PELI1: variants seen among roughly 807,000 people sequenced by gnomAD.
PELI1 encodes the protein pellino E3 ubiquitin protein ligase 1.
A neutral mutation model predicts 41.3 loss-of-function variants in PELI1; 15 were observed. The ratio of observed to expected loss-of-function variants is 0.36; its 90% confidence interval spans 0.24 to 0.56. The LOEUF (loss-of-function observed/expected upper bound fraction) is 0.56. Among genes scored for constraint, PELI1 ranks in the 20% least tolerant of loss-of-function variants. The pLI is 0.82. For synonymous variants in PELI1, 178 were observed against 180.1 expected, an observed-to-expected ratio of 0.99 and a Z score of 0.09; for missense variants, 403 against 525.5, an observed-to-expected ratio of 0.77 and a Z score of 2.28.
intron 1 of PELI1, among the ~76,000 whole-genome samples, chr2:64,123,339 A>ATT (rs1459243506): frequency 2.3e-4 from 35 of 152,342 alleles, no homozygotes; most frequent in African/African-American, 8.4e-4. Context: ...CAGTCTCTTT[A>ATT]AACGAACAAA....
chr2:64,098,800 G>C (rs1482749224), intron 4 of PELI1, among the ~76,000 whole-genome samples: 7 of 152,158 alleles, frequency 4.6e-5, no homozygotes. Context: ...AGACTGGCTA[G>C]TTTATCAAGG....
At chr2:64,102,935 C>T (rs774429581) in intron 3 of PELI1, among the ~76,000 whole-genome samples, 8 of 151,408 alleles carry the variant, frequency 5.3e-5, no homozygotes, top group Non-Finnish European at 7.4e-5. Flanking sequence ...CTCTGCCTCC[C>T]GGGCTCAAGT....
At chr2:64,141,312 C>CT (rs1553360221) in intron 1 of PELI1, among the ~76,000 whole-genome samples, 1 of 145,816 alleles carries the variant, frequency 6.9e-6, no homozygotes, top group African/African-American at 2.6e-5. Flanking sequence ...CCGCCCCCAC[C>CT]CCAAAGGAGC....
rs1680161083 is a variant in PELI1, at chr2:64,094,544, G to A, written c.*158C>T. On this transcript the variant is annotated 3_prime_UTR_variant, in exon 7 of 7. Transcript: ENST00000358912. ...CTTTGCTTGAGTTTCCCAGATTTTTGCTCAGAAATTGCTACTATTTATTAT... is the reference window on the plus strand; with the variant it reads ...CTTTGCTTGAGTTTCCCAGATTTTTACTCAGAAATTGCTACTATTTATTAT... 2.0e-6 allele frequency: 1 copy of A among 504,290 alleles called. No homozygotes were observed. The highest frequency in any genetic ancestry group is 3.1e-5 in the East Asian group (1 of 32,776). The allele number at this position is 504,290 out of a possible 1,614,324, so 31.2% of individuals were successfully genotyped here. A position where few individuals can be genotyped will look rare whatever the true frequency, so the allele number is the denominator to read the frequency against.
intron 2 of PELI1, among the ~76,000 whole-genome samples, chr2:64,107,465 A>G (rs2103688600): frequency 6.6e-6 from 1 of 152,304 alleles, no homozygotes; most frequent in South Asian, 2.1e-4. Flanking sequence ...TGCTGTCACC[A>G]TACACATATA....
intron 1 of PELI1, among the ~76,000 whole-genome samples, chr2:64,129,114 C>T (rs2103732316): frequency 6.6e-6 from 1 of 152,212 alleles, no homozygotes; most frequent in South Asian, 2.1e-4. Context: ...GCCAAAGTGC[C>T]ACCCTTTTTT....
intron 3 of PELI1, among the ~76,000 whole-genome samples, chr2:64,100,970 T>G (rs1429853686): frequency 1.3e-5 from 2 of 152,146 alleles, no homozygotes; most frequent in African/African-American, 4.8e-5. Flanking sequence ...GCTAAGGCAA[T>G]CCGCCTGCCT....
chr2:64,133,178 AC>A (rs1262424907), intron 1 of PELI1, among the ~76,000 whole-genome samples: 1 of 152,142 alleles, frequency 6.6e-6, no homozygotes, highest in African/African-American at 2.4e-5. Context: ...GTTATTTGTT[AC>A]CATTTCATTT....
At chr2:64,096,820 T>C (rs1235834453) in intron 4 of PELI1, among the ~76,000 whole-genome samples, 1 of 152,200 alleles carries the variant, frequency 6.6e-6, no homozygotes, top group East Asian at 1.9e-4. Context: ...TGGAATTAAA[T>C]GAGAACTTAC....
chr2:64,122,000 TA>T (rs138268563), intron 1 of PELI1, among the ~76,000 whole-genome samples: 3,139 of 152,228 alleles, frequency 0.021, 99 homozygotes, highest in African/African-American at 0.07. Flanking sequence ...ATAAAATTTC[TA>T]AGCTTTTCTT....
intron 1 of PELI1, among the ~76,000 whole-genome samples, chr2:64,117,345 ATT>A (rs556250754): frequency 1.4e-5 from 2 of 145,214 alleles, no homozygotes. Flanking sequence ...AGTAAGTTCT[ATT>A]TTTTTTTTTT....
chr2:64,135,059 T>A (rs907404356), intron 1 of PELI1, among the ~76,000 whole-genome samples: 3 of 152,110 alleles, frequency 2.0e-5, no homozygotes, highest in Admixed American at 6.5e-5. Flanking sequence ...TCAACAGAAG[T>A]ACAGTTTTCC....
chr2:64,114,322 T>C (rs926464219), intron 1 of PELI1, among the ~76,000 whole-genome samples: 1 of 152,204 alleles, frequency 6.6e-6, no homozygotes, highest in East Asian at 1.9e-4. Flanking sequence ...GTTTAATTCA[T>C]AGCAGTTTCT....
intron 1 of PELI1, among the ~76,000 whole-genome samples, chr2:64,128,391 TAA>T (rs1168298557): frequency 6.6e-6 from 1 of 152,128 alleles, no homozygotes; most frequent in African/African-American, 2.4e-5. Context: ...TAAAAGTAAA[TAA>T]AGTTACACAT....
intron 1 of PELI1, among the ~76,000 whole-genome samples, chr2:64,131,185 ACT>A (rs1681541606): frequency 6.6e-6 from 1 of 152,088 alleles, no homozygotes; most frequent in Non-Finnish European, 1.5e-5. Context: ...AAATTTCATT[ACT>A]AAAGCTAATA....
At chr2:64,113,370 C>T (rs1293667721) in intron 1 of PELI1, among the ~76,000 whole-genome samples, 3 of 151,850 alleles carry the variant, frequency 2.0e-5, no homozygotes, top group South Asian at 2.1e-4. Context: ...AAAAAACATC[C>T]GAATGTCTCG....
At chr2:64,136,359 G>A (rs551736720) in intron 1 of PELI1, among the ~76,000 whole-genome samples, 1 of 152,270 alleles carries the variant, frequency 6.6e-6, no homozygotes, top group African/African-American at 2.4e-5. Context: ...GCAGTATATG[G>A]TAAGAGAGTC....
chr2:64,099,946 G>A (rs1372035053), intron 4 of PELI1, among the ~76,000 whole-genome samples: 1 of 152,234 alleles, frequency 6.6e-6, no homozygotes, highest in African/African-American at 2.4e-5. Context: ...GTTAGCAAGT[G>A]CCTGGATTGT....
rs1680193068 is a variant in PELI1, at chr2:64,095,260, A to G, written c.699T>C (p.Ile233=). 1.2e-6 allele frequency: 2 copies of G among 1,611,360 alleles called. No homozygotes were observed. Among genetic ancestry groups the G allele is most frequent in the Non-Finnish European group, 8.5e-7 (1 of 1,177,744 alleles). Residue 233 remains isoleucine (I), a synonymous_variant, in exon 7 of 7, where the codon ATT becomes ATC. Transcript: ENST00000358912. The part of the protein sequence containing the change: ...SAQQRGKMVE[I]ETNQLQDGSL... ...AGCCATCTTGTAACTGATTGGTTTC[A>G]ATTTCCACCTAGAGGAGACAAGAGT...
Sources: allele counts gnomAD v4.1 joint callset (sites outside exome capture counted in the v4.1 genomes callset), GRCh38; gene constraint gnomAD v4.1.1; transcripts MANE v1.5; gene names NCBI Gene and HGNC (gene_info 2026-07-23, HGNC 2026-07-21).